CTNNA3: variants seen among roughly 807,000 people sequenced by gnomAD.
The protein encoded by CTNNA3 is catenin alpha-3.
In CTNNA3, 76 loss-of-function variants were observed where a neutral mutation model predicts 95.7. The ratio of observed to expected loss-of-function variants is 0.79; its 90% CI spans 0.66 to 0.96. The LOEUF (loss-of-function observed/expected upper bound fraction) is 0.96. Ranked by LOEUF, CTNNA3 falls within the 40% of genes least tolerant of loss-of-function variation. The pLI is 0.00. For synonymous variants in CTNNA3, 431 were observed against 374.4 expected, an observed-to-expected ratio of 1.15 and a Z score of -1.74; for missense variants, 1,191 against 1,089.8, an observed-to-expected ratio of 1.09 and a Z score of -1.31.
At chr10:67,010,957 CTATAA>C (rs1443214904) in intron 7 of CTNNA3, among the ~76,000 whole-genome samples, 50 of 152,216 alleles carry the variant, frequency 3.3e-4, no homozygotes, top group African/African-American at 1.1e-3. Context: ...TCTTAGACAA[CTATAA>C]TATAATAGAG....
intron 9 of CTNNA3, among the ~76,000 whole-genome samples, chr10:66,662,590 T>A (rs1331422293): frequency 6.6e-6 from 1 of 152,138 alleles, no homozygotes. Flanking sequence ...TGGCCTTCCT[T>A]CCTCTGTCCT....
At chr10:67,363,670 C>A (rs560206452) in intron 5 of CTNNA3, among the ~76,000 whole-genome samples, 7 of 152,192 alleles carry the variant, frequency 4.6e-5, no homozygotes, top group Non-Finnish European at 8.8e-5. Flanking sequence ...GAAATAGAAA[C>A]TACCATCAGA....
intron 7 of CTNNA3, among the ~76,000 whole-genome samples, chr10:67,074,209 T>C (rs554706423): frequency 6.6e-5 from 10 of 151,798 alleles, no homozygotes; most frequent in Non-Finnish European, 1.2e-4. Context: ...ATTTTTGTAC[T>C]TTTAATAGAA....
At chr10:66,040,840 A>G (rs1397686693) in intron 15 of CTNNA3, among the ~76,000 whole-genome samples, 1 of 152,198 alleles carries the variant, frequency 6.6e-6, no homozygotes, top group Non-Finnish European at 1.5e-5. Flanking sequence ...AAGTTTATCT[A>G]TAATAACAAA....
chr10:66,473,413 G>A (rs1839205407), intron 11 of CTNNA3, among the ~76,000 whole-genome samples: 1 of 151,914 alleles, frequency 6.6e-6, no homozygotes, highest in Non-Finnish European at 1.5e-5. Context: ...CTGCCCCTTT[G>A]CCTTCTGCCA....
At chr10:67,380,272 T>C (rs1262259617) in intron 5 of CTNNA3, among the ~76,000 whole-genome samples, 1 of 152,168 alleles carries the variant, frequency 6.6e-6, no homozygotes, top group Non-Finnish European at 1.5e-5. Context: ...GTGAGCAACA[T>C]GAAATTTTTC....
intron 14 of CTNNA3, among the ~76,000 whole-genome samples, chr10:66,097,492 T>A (rs2081445022): frequency 6.6e-6 from 1 of 152,106 alleles, no homozygotes; most frequent in African/African-American, 2.4e-5. Flanking sequence ...TCATCATGAT[T>A]TTACAGATAA....
intron 11 of CTNNA3, among the ~76,000 whole-genome samples, chr10:66,470,594 T>C (rs748845930): frequency 2.2e-4 from 33 of 151,864 alleles, no homozygotes; most frequent in Non-Finnish European, 1.0e-4. Flanking sequence ...GCATTCATTG[T>C]ATTACTCAAG....
At chr10:67,320,873 C>G (rs766503468) in intron 5 of CTNNA3, among the ~76,000 whole-genome samples, 10 of 152,140 alleles carry the variant, frequency 6.6e-5, no homozygotes, top group Non-Finnish European at 1.3e-4. Context: ...TGGAAGGAAA[C>G]ATTTCTGCTG....
intron 1 of CTNNA3, among the ~76,000 whole-genome samples, chr10:67,687,931 T>C (rs1182412043): frequency 6.6e-6 from 1 of 152,176 alleles, no homozygotes; most frequent in Non-Finnish European, 1.5e-5. Context: ...GGATCCATAC[T>C]GGGGATGGCT....
chr10:66,028,661 G>A (rs2133449555), intron 15 of CTNNA3, among the ~76,000 whole-genome samples: 1 of 152,086 alleles, frequency 6.6e-6, no homozygotes, highest in Admixed American at 6.6e-5. Context: ...GAGTTGATGG[G>A]TGCAGCAAAC....
At chr10:66,770,499 A>G (rs1840046359) in intron 8 of CTNNA3, among the ~76,000 whole-genome samples, 2 of 152,240 alleles carry the variant, frequency 1.3e-5, no homozygotes, top group African/African-American at 4.8e-5. Context: ...GTGGCCAGGC[A>G]TGAAAGATGT....
intron 7 of CTNNA3, among the ~76,000 whole-genome samples, chr10:67,087,693 A>G (rs1019371767): frequency 6.6e-6 from 1 of 151,984 alleles, no homozygotes; most frequent in Non-Finnish European, 1.5e-5. Flanking sequence ...TCTACCTCTA[A>G]GCTAATGTCA....
intron 7 of CTNNA3, among the ~76,000 whole-genome samples, chr10:66,995,162 A>G (rs1324676646): frequency 6.6e-6 from 1 of 152,166 alleles, no homozygotes; most frequent in South Asian, 2.1e-4. Flanking sequence ...CATAATCTCA[A>G]ACATAACCCA....
chr10:67,117,609 T>C lies in CTNNA3; in HGVS notation c.1047+62708A>G, dbSNP rs561871546. Among the ~76,000 whole-genome samples, 6 of 152,216 alleles carry C rather than the reference T, an allele frequency of 3.9e-5. No homozygotes were observed. In the East Asian group the frequency reaches 1.2e-3, roughly 29 times the overall value. On this transcript the variant is annotated intron_variant, in intron 7 of 17. Transcript: ENST00000433211. ...TGGGAGACAAGTGTATAAATATTGTTTGAAATTTTTTTAAAAAATGAACAT... is the reference window on the plus strand; with the variant it reads ...TGGGAGACAAGTGTATAAATATTGTCTGAAATTTTTTTAAAAAATGAACAT...
intron 7 of CTNNA3, among the ~76,000 whole-genome samples, chr10:66,840,058 G>A (rs548469341): frequency 3.3e-5 from 5 of 152,098 alleles, no homozygotes; most frequent in South Asian, 4.2e-4. Flanking sequence ...AACTAATCCC[G>A]AATAGGCCAG....
intron 9 of CTNNA3, among the ~76,000 whole-genome samples, chr10:66,666,558 G>C (rs1021092407): frequency 3.3e-5 from 5 of 152,026 alleles, no homozygotes; most frequent in African/African-American, 1.2e-4. Context: ...ATTTTCCCCA[G>C]AATAACCATT....
At chr10:66,859,247 A>C (rs1843805718) in intron 7 of CTNNA3, among the ~76,000 whole-genome samples, 1 of 152,086 alleles carries the variant, frequency 6.6e-6, no homozygotes, top group Non-Finnish European at 1.5e-5. Flanking sequence ...AATAGGAGAA[A>C]ATTTTCACAA....
chr10:66,894,714 C>T (rs947734440), intron 7 of CTNNA3, among the ~76,000 whole-genome samples: 4 of 151,920 alleles, frequency 2.6e-5, no homozygotes, highest in South Asian at 2.1e-4. Context: ...TCTGATAATA[C>T]GTATCACTGA....
Sources: gnomAD v4.1 joint callset for allele counts (sites outside exome capture counted in the v4.1 genomes callset) on GRCh38, gnomAD v4.1.1 for gene constraint, MANE v1.5 for transcripts, NCBI Gene and HGNC (gene_info 2026-07-23, HGNC 2026-07-21) for gene names.